RPS6KA2: variants seen among roughly 807,000 people sequenced by gnomAD.
The protein encoded by RPS6KA2 is ribosomal protein S6 kinase alpha-2.
In RPS6KA2, 42 loss-of-function variants were observed where a neutral mutation model predicts 91.8. That is an observed-to-expected ratio of 0.46 (90% CI 0.36 to 0.59). The LOEUF is 0.59. Among genes scored for constraint, RPS6KA2 ranks in the 20% least tolerant of loss-of-function variants. The pLI, the probability that RPS6KA2 is intolerant of heterozygous loss-of-function variation, is 0.00. For synonymous variants in RPS6KA2, 414 were observed against 393.6 expected (o/e 1.05, Z -0.61); for missense variants, 798 against 978.5 (o/e 0.82, Z 2.46).
intron 2 of RPS6KA2, among the ~76,000 whole-genome samples, chr6:166,815,038 T>C (rs1225260029): frequency 5.3e-5 from 8 of 152,226 alleles, no homozygotes; most frequent in African/African-American, 1.9e-4. Flanking sequence ...TGGGGACCAC[T>C]GCTTTCAAGG....
intron 2 of RPS6KA2, among the ~76,000 whole-genome samples, chr6:166,788,525 T>C (rs1778989829): frequency 6.6e-6 from 1 of 152,220 alleles, no homozygotes; most frequent in South Asian, 2.1e-4. Flanking sequence ...AATGAGATCA[T>C]GTTCTTTGCA....
At chr6:166,466,922 A>T (rs1780551794) in intron 11 of RPS6KA2, among the ~76,000 whole-genome samples, 1 of 150,824 alleles carries the variant, frequency 6.6e-6, no homozygotes. Context: ...TCCTTCACTC[A>T]CTCCCTCACT....
At chr6:166,631,322 T>C (rs1019297876), upstream of RPS6KA2, among the ~76,000 whole-genome samples, 1 of 152,204 alleles carries the variant, frequency 6.6e-6, no homozygotes, top group Non-Finnish European at 1.5e-5. Context: ...TACTTGACCC[T>C]TATTGACTGG....
In RPS6KA2 at chr6:166,835,696, G is replaced by T. The variant is rs148866880; in HGVS notation, c.123+22504C>A. On this transcript the variant is annotated intron_variant, in intron 2 of 21. Transcript: ENST00000503859. ...ATAGTAATGTTGTATGAAAATAAAT[G>T]CAGCTTGCTTTCTTCCTTTCCAATT... 6.8e-3 allele frequency among the ~76,000 whole-genome samples: 1,038 copies of T among 152,310 alleles called. 9 individuals are homozygous for T. The Middle Eastern group carries it at 0.071, about 10-fold the overall frequency.
chr6:166,550,772 G>GGA (rs1562573456), intron 1 of RPS6KA2, among the ~76,000 whole-genome samples: 4 of 152,036 alleles, frequency 2.6e-5, no homozygotes, highest in Non-Finnish European at 4.4e-5. Flanking sequence ...GGAGGCCAAG[G>GGA]CGGTCAGATC....
chr6:166,818,506 G>A (rs1779826622), intron 2 of RPS6KA2, among the ~76,000 whole-genome samples: 1 of 152,132 alleles, frequency 6.6e-6, no homozygotes, highest in African/African-American at 2.4e-5. Flanking sequence ...TGATTAAGGT[G>A]GTGTCTGCCA....
At chr6:166,847,565 T>C (rs577126826) in intron 2 of RPS6KA2, among the ~76,000 whole-genome samples, 2 of 152,146 alleles carry the variant, frequency 1.3e-5, no homozygotes, top group Admixed American at 6.5e-5. Context: ...AATAGGCACA[T>C]AGACAAATGG....
intron 1 of RPS6KA2, among the ~76,000 whole-genome samples, chr6:166,589,271 G>A (rs549380972): frequency 9.8e-5 from 15 of 152,288 alleles, no homozygotes; most frequent in African/African-American, 2.9e-4. Flanking sequence ...AGGAAACCAC[G>A]GTGCATTCCA....
chr6:166,823,274 G>T (rs1162093868), intron 2 of RPS6KA2, among the ~76,000 whole-genome samples: 1 of 152,200 alleles, frequency 6.6e-6, no homozygotes, highest in Admixed American at 6.5e-5. Context: ...TATTAAATGA[G>T]ACTTAAGAGG....
chr6:166,479,259 G>A (rs530522250), intron 10 of RPS6KA2, among the ~76,000 whole-genome samples: 13 of 152,048 alleles, frequency 8.5e-5, no homozygotes, highest in African/African-American at 2.7e-4. Flanking sequence ...CCTAGCCCAC[G>A]AGTGAGGGAA....
At chr6:166,489,556 C>T (rs911890255) in intron 9 of RPS6KA2, among the ~76,000 whole-genome samples, 21 of 152,318 alleles carry the variant, frequency 1.4e-4, no homozygotes, top group African/African-American at 5.1e-4. Flanking sequence ...AGGCCACACC[C>T]GTGACTTGCT....
rs1254449201 is a variant in RPS6KA2 at position 166,821,431 on chromosome 6, G to C, written c.123+36769C>G. The stretch of plus-strand genomic sequence containing the variant: ...GATGGAGGGGTGGAGAGGCAGGCAG[G>C]CAGAAACACAGGAGGCCTCACTATG... On this transcript the variant is annotated intron_variant, in intron 2 of 21. Transcript: ENST00000503859. The surrounding 1 kb of genome is among the most constrained non-coding windows in gnomAD (Gnocchi z 4.1). Among the ~76,000 whole-genome samples the C allele has an allele frequency of 6.6e-6, 1 of 152,084 alleles. No homozygotes were observed. The highest frequency in any genetic ancestry group is 2.4e-5 in the African/African-American group (1 of 41,400).
intron 8 of RPS6KA2, among the ~76,000 whole-genome samples, chr6:166,496,621 C>T (rs1781796190): frequency 6.6e-6 from 1 of 152,136 alleles, no homozygotes; most frequent in Non-Finnish European, 1.5e-5. Context: ...ATTGGTTCAC[C>T]TGAGAGCCAG....
chr6:166,586,309 G>T (rs1053773428), intron 1 of RPS6KA2: 3 of 1,599,062 alleles, frequency 1.9e-6, no homozygotes, highest in South Asian at 2.2e-5. Context: ...TCTTGCAACC[G>T]ATTGCCTCTG....
At chr6:166,693,614 T>G (rs1789276000) in intron 2 of RPS6KA2, among the ~76,000 whole-genome samples, 1 of 152,178 alleles carries the variant, frequency 6.6e-6, no homozygotes, top group Non-Finnish European at 1.5e-5. Flanking sequence ...ATAAAATGTC[T>G]CCAGCAGTTT....
intron 1 of RPS6KA2, among the ~76,000 whole-genome samples, chr6:166,572,778 C>T (rs548537196): frequency 6.6e-5 from 10 of 152,350 alleles, no homozygotes; most frequent in African/African-American, 1.9e-4. Flanking sequence ...ACGGAGCCCG[C>T]GTCACTAGCA....
At chr6:166,620,040 T>G (rs986894888) in intron 1 of RPS6KA2, among the ~76,000 whole-genome samples, 2 of 152,170 alleles carry the variant, frequency 1.3e-5, no homozygotes, top group African/African-American at 4.8e-5. Context: ...GGCCAAGATG[T>G]CTTGGTGCAA....
intron 17 of RPS6KA2, among the ~76,000 whole-genome samples, chr6:166,422,786 A>G (rs1778770560): frequency 6.6e-6 from 1 of 152,172 alleles, no homozygotes; most frequent in South Asian, 2.1e-4. Context: ...TCAATCTGAC[A>G]GCTGCTGACT....
intron 2 of RPS6KA2, among the ~76,000 whole-genome samples, chr6:166,830,162 G>T (rs1780150035): frequency 8.0e-6 from 1 of 124,556 alleles, no homozygotes; most frequent in African/African-American, 2.9e-5. Flanking sequence ...AAGAAAGAAA[G>T]AAAAGAAAAG....
Sources: allele counts gnomAD v4.1 joint callset (sites outside exome capture counted in the v4.1 genomes callset), GRCh38; gene constraint gnomAD v4.1.1; non-coding constraint Gnocchi (gnomAD v3.1); transcripts MANE v1.5; gene names NCBI Gene and HGNC (gene_info 2026-07-23, HGNC 2026-07-21).